The following ARHGAP19 variants were observed in gnomAD, a reference collection of about 807,000 sequenced individuals.
ARHGAP19 encodes Rho GTPase activating protein 19.
Under a neutral mutation model 60.9 loss-of-function variants are expected in ARHGAP19, and 48 were observed. The ratio of observed to expected loss-of-function variants is 0.79; its 90% CI spans 0.62 to 1.00. The LOEUF (loss-of-function observed/expected upper bound fraction) is 1.00. Ranked by LOEUF, ARHGAP19 falls within the 50% of genes least tolerant of loss-of-function variation. ARHGAP19 has a pLI of 0.00. For missense variants in ARHGAP19, 562 were observed against 597.2 expected (o/e 0.94, Z 0.61); for synonymous variants, 209 against 215.5 (o/e 0.97, Z 0.27).
Position 97,229,766 on chromosome 10 carries a change from A to AGACACT in ARHGAP19, c.1392_1393insAGTGTC (p.Asn464_Leu465insSerVal). On this transcript the variant is annotated inframe_insertion, in exon 10 of 12. Coordinates refer to ENST00000358531, the MANE Select transcript of ARHGAP19 (RefSeq NM_032900.6). The stretch of plus-strand genomic sequence containing the variant: ...CAGTCCAAAGAACAGTGTCTTACTA[A>AGACACT]GTTCCTATTTTCTTTGCTGGTTCCC... 6.3e-7 allele frequency: 1 copy of AGACACT among 1,585,124 alleles called. No homozygotes were observed. The highest frequency in any genetic ancestry group is 8.7e-7 in the Non-Finnish European group (1 of 1,155,584).
At chr10:97,284,077 G>A (rs554093286) in intron 1 of ARHGAP19, among the ~76,000 whole-genome samples, 154 of 151,914 alleles carry the variant, frequency 1.0e-3, no homozygotes, top group African/African-American at 3.6e-3. Context: ...GGGACTACAG[G>A]TGCACACCAC....
intron 1 of ARHGAP19, among the ~76,000 whole-genome samples, chr10:97,268,098 G>C (rs962757369): frequency 5.9e-5 from 9 of 152,140 alleles, no homozygotes; most frequent in African/African-American, 1.9e-4. Flanking sequence ...TGAACACTTT[G>C]CCACTTAGAA....
chr10:97,277,812 G>A (rs1843038926), intron 1 of ARHGAP19: 1 of 152,180 alleles, frequency 6.6e-6, no homozygotes, highest in African/African-American at 2.4e-5. Context: ...TAGATCCAGT[G>A]TTTCACACTC....
chr10:97,292,388 T>A (rs965891237), intron 1 of ARHGAP19, among the ~76,000 whole-genome samples, 184 bp downstream of exon 1: 6 of 152,172 alleles, frequency 3.9e-5, no homozygotes, highest in Admixed American at 6.5e-5. Context: ...AGCGGGGGGT[T>A]TGGCTGGAGT....
At chr10:97,284,201 C>T (rs917722305) in intron 1 of ARHGAP19, among the ~76,000 whole-genome samples, 2 of 152,204 alleles carry the variant, frequency 1.3e-5, no homozygotes, top group Non-Finnish European at 2.9e-5. Context: ...TGGCTCACTG[C>T]AACTTCTGCC....
Position 97,265,952 on chromosome 10 carries a change from G to A in ARHGAP19, c.230C>T (p.Ala77Val), listed in dbSNP as rs1393657330. ...RLIDLPGTELAQLMGEVDLKL... is the reference protein window; with the variant it reads ...RLIDLPGTELVQLMGEVDLKL... ...AAGGTCCACTTCCCCCATCAGCTGAGCCAACTCAGTTCCAGGTAAATCGAT... is the reference window on the plus strand; with the variant it reads ...AAGGTCCACTTCCCCCATCAGCTGAACCAACTCAGTTCCAGGTAAATCGAT... The change falls in exon 2 of 12, where the codon GCT (alanine) becomes GTT (valine). Residue 77 changes from alanine (A) to valine (V), a missense_variant. Transcript: ENST00000358531. The A allele has an allele frequency of 6.2e-7, 1 of 1,614,114 alleles. No homozygotes were observed. The highest frequency in any genetic ancestry group is 1.1e-5 in the South Asian group (1 of 91,088).
intron 1 of ARHGAP19, among the ~76,000 whole-genome samples, chr10:97,291,266 A>T (rs1223582453): frequency 6.6e-6 from 1 of 152,198 alleles, no homozygotes; most frequent in East Asian, 1.9e-4. Flanking sequence ...TTGCAACTGC[A>T]AAACAAAAAC....
chr10:97,256,875 A>G (rs978894989), intron 5 of ARHGAP19, among the ~76,000 whole-genome samples: 25 of 151,914 alleles, frequency 1.6e-4, no homozygotes, highest in African/African-American at 6.0e-4. Flanking sequence ...TAATCCCAGC[A>G]CTTTGGGAGG....
intron 1 of ARHGAP19, chr10:97,275,161 C>A (rs1304540300): frequency 5.6e-4 from 1 of 1,790 alleles, no homozygotes; most frequent in African/African-American, 5.7e-4. Flanking sequence ...TGCCCGGCCG[C>A]CACCCCGTCT....
chr10:97,266,788 C>G (rs1423224087), intron 1 of ARHGAP19, among the ~76,000 whole-genome samples: 2 of 152,144 alleles, frequency 1.3e-5, no homozygotes, highest in African/African-American at 4.8e-5. Context: ...ATAAAACCAT[C>G]AGATCTCATG....
chr10:97,256,501 C>A, intron 5 of ARHGAP19, 97 bp from the exon 6 acceptor site: 2 of 896,554 alleles, frequency 2.2e-6, no homozygotes, highest in Non-Finnish European at 3.6e-6. Context: ...AGTTTCTATC[C>A]CTAGCCTAGG....
chr10:97,248,356 G>A (rs757126260), intron 6 of ARHGAP19, among the ~76,000 whole-genome samples: 1 of 151,978 alleles, frequency 6.6e-6, no homozygotes, highest in Non-Finnish European at 1.5e-5. Flanking sequence ...AGAGGCTGCT[G>A]TGAGCCCAGA....
At chr10:97,242,444 C>A (rs1380771074) in intron 8 of ARHGAP19, among the ~76,000 whole-genome samples, 1 of 151,174 alleles carries the variant, frequency 6.6e-6, no homozygotes, top group Non-Finnish European at 1.5e-5. Context: ...AGCAATTCTC[C>A]TGCCTCAGCC....
At chr10:97,259,680 A>G in intron 4 of ARHGAP19, 52 bp from the exon 5 acceptor site, 1 of 1,348,662 alleles carries the variant, frequency 7.4e-7, no homozygotes, top group South Asian at 1.2e-5. Context: ...CAGCAAGAAA[A>G]ATCAGTGCTA....
intron 1 of ARHGAP19, among the ~76,000 whole-genome samples, chr10:97,273,223 C>T (rs1421798691): frequency 2.0e-5 from 3 of 151,926 alleles, no homozygotes; most frequent in Non-Finnish European, 4.4e-5. Flanking sequence ...AGTGCAATGG[C>T]ACAGTCTTGG....
At chr10:97,256,235 G>T in intron 6 of ARHGAP19, 83 bp downstream of exon 6, 4 of 1,125,262 alleles carry the variant, frequency 3.6e-6, no homozygotes, top group South Asian at 2.6e-5. Context: ...TTCTCGTTTA[G>T]TTATCTTTAT....
chr10:97,250,390 CTT>C (rs34345215), intron 6 of ARHGAP19, among the ~76,000 whole-genome samples: 154 of 139,740 alleles, frequency 1.1e-3, no homozygotes, highest in Middle Eastern at 3.7e-3. Flanking sequence ...ATTTCTTTTT[CTT>C]TTTTTTTTTT....
chr10:97,292,366 C>A (rs567447492), intron 1 of ARHGAP19, among the ~76,000 whole-genome samples: 4 of 152,366 alleles, frequency 2.6e-5, no homozygotes, highest in Middle Eastern at 3.4e-3. Flanking sequence ...CCCTCGGGCA[C>A]CGGCAGGACC....
chr10:97,229,357 A>C, intron 10 of ARHGAP19, 132 bp from the exon 11 acceptor site: 30 of 760,050 alleles, frequency 3.9e-5, no homozygotes, highest in Non-Finnish European at 6.1e-5. Context: ...TTTATATCTC[A>C]TTAATCTTAA....
Sources: allele counts gnomAD v4.1 joint callset (sites outside exome capture counted in the v4.1 genomes callset), GRCh38; gene constraint gnomAD v4.1.1; transcripts MANE v1.5; gene names NCBI Gene and HGNC (gene_info 2026-07-23, HGNC 2026-07-21).